DIABLO: variants seen among roughly 807,000 people sequenced by gnomAD.
The protein encoded by DIABLO is diablo IAP-binding mitochondrial protein.
A neutral mutation model predicts 31.7 loss-of-function variants in DIABLO; 32 were observed. The ratio of observed to expected loss-of-function variants is 1.01; its 90% confidence interval spans 0.76 to 1.35. DIABLO has a LOEUF of 1.35. Among genes scored for constraint, DIABLO ranks in the 40% most tolerant of loss-of-function variants. The pLI, the probability that DIABLO is intolerant of heterozygous loss-of-function variation, is 0.00. For synonymous variants in DIABLO, 132 were observed against 103.2 expected (o/e 1.28, Z -1.69); for missense variants, 316 against 286.4 (o/e 1.10, Z -0.75).
At chr12:122,211,299 G>A (rs765330152) in intron 5 of DIABLO, among the ~76,000 whole-genome samples, 1 of 151,898 alleles carries the variant, frequency 6.6e-6, no homozygotes, top group East Asian at 1.9e-4. Flanking sequence ...CTACTCAGGA[G>A]GCTGAGACAG....
intron 5 of DIABLO, among the ~76,000 whole-genome samples, chr12:122,209,542 G>A (rs1042281740): frequency 2.0e-5 from 3 of 152,020 alleles, no homozygotes; most frequent in African/African-American, 7.3e-5. Context: ...GAGTGCACCT[G>A]CAGTCTCAGC....
At position 122,208,529 on chromosome 12, in the gene DIABLO, T is replaced by A; in HGVS notation, c.572A>T (p.Lys191Ile). Residue 191 changes from lysine to isoleucine, a missense_variant, in exon 6 of 6, where the codon AAA becomes ATA. Coordinates refer to ENST00000464942, the MANE Select transcript of DIABLO (RefSeq NM_001371333.1). ...CTGGTGCACCTCTTCCACCTGCAGT[T>A]TCACCAGCTGAATGTGATTCCTGGC... The part of the protein sequence containing the change: ...ITARNHIQLV[K>I]LQVEEVHQLS... The A allele has an allele frequency of 6.2e-7, 1 of 1,614,004 alleles. No individual in the cohort carries two copies. The highest frequency in any genetic ancestry group is 8.5e-7 in the Non-Finnish European group (1 of 1,180,028).
chr12:122,226,390 G>A, upstream of DIABLO: 2 of 684,876 alleles, frequency 2.9e-6, no homozygotes, highest in South Asian at 1.5e-5. Context: ...CGGGAGGCGG[G>A]GCCGGGCGGG....
rs561146290 is a variant in DIABLO at position 122,208,941 on chromosome 12, A to C, written c.524-364T>G. 6 of 372,470 alleles carry C rather than the reference A, an allele frequency of 1.6e-5. No individual in the cohort carries two copies. The East Asian group carries it at 4.2e-4, about 26-fold the overall frequency. 23.1% of individuals were successfully genotyped at this position (372,470 alleles called of 1,614,324 possible). On this transcript the variant is annotated intron_variant, in intron 5 of 5. Transcript: ENST00000464942. Reference sequence around the variant, plus strand: ...AAGAGATCATGAATAAAATTGTCAAAGATCCCTTTCATCACCTTGACTAAT... The same window carrying C: ...AAGAGATCATGAATAAAATTGTCAACGATCCCTTTCATCACCTTGACTAAT...
intron 5 of DIABLO, 93 bp downstream of exon 5, chr12:122,216,395 A>C (rs566598819): frequency 9.2e-7 from 1 of 1,084,160 alleles, no homozygotes; most frequent in African/African-American, 1.6e-5. Context: ...ATTTACTATA[A>C]AGCCCTCATT....
chr12:122,214,685 G>C (rs550904856), intron 5 of DIABLO, among the ~76,000 whole-genome samples: 1 of 152,032 alleles, frequency 6.6e-6, no homozygotes, highest in Non-Finnish European at 1.5e-5. Context: ...CCAAAGACAC[G>C]CGTTGAGTCC....
intron 1 of DIABLO, chr12:122,225,596 G>A (rs931855031): frequency 8.3e-7 from 1 of 1,209,946 alleles, no homozygotes. Flanking sequence ...TCGGGAGGAC[G>A]TCTTCAGACG....
rs181311713 is a variant in DIABLO, at chr12:122,209,081, C to T, written c.524-504G>A. On this transcript the variant is annotated intron_variant, in intron 5 of 5. Coordinates refer to ENST00000464942, the MANE Select transcript of DIABLO (RefSeq NM_001371333.1). ...TTTCACTTAAACATGTTTTGAAGGC[C>T]GGGCGCAGTGGCTCACGCCTCTAAT... 36 of 278,654 alleles carry T rather than the reference C, an allele frequency of 1.3e-4. No individual in the cohort carries two copies. In the Middle Eastern group the frequency reaches 4.2e-3, roughly 33 times the overall value. The allele number at this position is 278,654 out of a possible 1,614,324, so 17.3% of individuals were successfully genotyped here.
At chr12:122,224,678 C>T in intron 1 of DIABLO, 34 bp from the exon 2 acceptor site, 1 of 1,614,102 alleles carries the variant, frequency 6.2e-7, no homozygotes. Flanking sequence ...TAAGGCACGA[C>T]CGCCAATCTG....
intron 5 of DIABLO, chr12:122,209,580 G>C: frequency 1.8e-6 from 1 of 565,010 alleles, no homozygotes. Context: ...CAGGAGAATT[G>C]CTTGAACCTG....
At position 122,224,652 on chromosome 12, in the gene DIABLO, T is replaced by C. The variant is rs770298216; in HGVS notation, c.51-8A>G. On this transcript the variant is annotated splice_region_variant and splice_polypyrimidine_tract_variant and intron_variant, in intron 1 of 5. Transcript: ENST00000464942. ...CACAAACACTGTCTGTACCTGGAAG[T>C]AGAAGTCAGATTTCATAAGGCACGA... 1.4e-5 allele frequency: 22 copies of C among 1,613,998 alleles called. No individual in the cohort carries two copies. In the South Asian group the frequency reaches 2.1e-4, roughly 15 times the overall value.
chr12:122,225,820 C>T (rs1012187227), intron 1 of DIABLO, 145 bp downstream of exon 1: 41 of 1,502,776 alleles, frequency 2.7e-5, no homozygotes, highest in Admixed American at 8.2e-5. Flanking sequence ...CCTCAGTCCT[C>T]CCGACCGGAG....
Position 122,209,028 on chromosome 12 carries a change from AAAAGGTATTAAAT to A in DIABLO, c.524-464_524-452del, listed in dbSNP as rs547396090. 1.8e-3 allele frequency: 594 copies of A among 324,512 alleles called. 2 individuals carry two copies. The highest frequency in any genetic ancestry group is 0.012 in the African/African-American group (559 of 46,300). 20.1% of individuals were successfully genotyped at this position (324,512 alleles called of 1,614,324 possible). A position where few individuals can be genotyped will look rare whatever the true frequency, so the allele number is the denominator to read the frequency against. The stretch of plus-strand genomic sequence containing the variant: ...TTACTATAAATTTATGTAACAGCAT[AAAAGGTATTAAAT>A]ATGTTTTATAATTTTTTCACTTAAA... On this transcript the variant is annotated intron_variant, in intron 5 of 5. Coordinates refer to ENST00000464942, the MANE Select transcript of DIABLO (RefSeq NM_001371333.1).
chr12:122,214,743 C>G (rs1216280209), intron 5 of DIABLO, among the ~76,000 whole-genome samples: 1 of 151,870 alleles, frequency 6.6e-6, no homozygotes, highest in East Asian at 1.9e-4. Context: ...GAGACAGAGT[C>G]TTGCTCTGTC....
chr12:122,220,441 G>C (rs1413131638), intron 2 of DIABLO: 1 of 151,850 alleles, frequency 6.6e-6, no homozygotes, highest in Admixed American at 6.6e-5. Flanking sequence ...GATCACCTGA[G>C]ATCAGGAGTT....
intron 2 of DIABLO, chr12:122,220,770 C>T (rs1954317896): frequency 6.6e-6 from 1 of 152,152 alleles, no homozygotes; most frequent in Non-Finnish European, 1.5e-5. Flanking sequence ...AAGAGGCAGT[C>T]AAGAAATATT....
upstream of DIABLO, chr12:122,227,312 C>T (rs1266447798): frequency 4.5e-6 from 2 of 447,130 alleles, no homozygotes; most frequent in South Asian, 3.1e-5. Flanking sequence ...AGCCACTCCC[C>T]ACAGTGTCAG....
At position 122,225,669 on chromosome 12, in the gene DIABLO, G is replaced by C. The variant is rs1391787063; in HGVS notation, c.50+296C>G. On this transcript the variant is annotated intron_variant, in intron 1 of 5. Coordinates refer to ENST00000464942, the MANE Select transcript of DIABLO (RefSeq NM_001371333.1). Reference sequence around the variant, plus strand: ...CTCCTCCTCTCCACGTCTCCTCAGGGACTTCGAGTGGCTGACGAGGGCTGG... The same window carrying C: ...CTCCTCCTCTCCACGTCTCCTCAGGCACTTCGAGTGGCTGACGAGGGCTGG... 7.3e-6 allele frequency: 10 copies of C among 1,370,498 alleles called. No homozygotes were observed. In the South Asian group the frequency reaches 1.4e-4, roughly 19 times the overall value. 84.9% of individuals were successfully genotyped at this position (1,370,498 alleles called of 1,614,324 possible).
At chr12:122,221,630 TAC>T (rs1422147691) in intron 2 of DIABLO, 1 of 152,142 alleles carries the variant, frequency 6.6e-6, no homozygotes, top group Non-Finnish European at 1.5e-5. Context: ...ACTCTTGGCC[TAC>T]AGTGATCCTC....
Sources: allele counts gnomAD v4.1 joint callset (sites outside exome capture counted in the v4.1 genomes callset), GRCh38; gene constraint gnomAD v4.1.1; transcripts MANE v1.5; gene names NCBI Gene and HGNC (gene_info 2026-07-23, HGNC 2026-07-21).